Variants in DOCK2 observed in about 807,000 individuals in gnomAD.
DOCK2 encodes dedicator of cytokinesis protein 2.
In DOCK2, 87 loss-of-function variants were observed where a neutral mutation model predicts 248.9. The ratio of observed to expected loss-of-function variants is 0.35; its 90% CI spans 0.29 to 0.42. DOCK2 has a LOEUF of 0.42. Among genes scored for constraint, DOCK2 ranks in the 10% least tolerant of loss-of-function variants. DOCK2 has a pLI of 1.00. For missense variants in DOCK2, 1,747 were observed against 2,300.2 expected (o/e 0.76, Z 4.92); for synonymous variants, 805 against 821.6 (o/e 0.98, Z 0.35).
chr5:170,077,417 A>T (rs1165364873), intron 47 of DOCK2, among the ~76,000 whole-genome samples: 1 of 152,212 alleles, frequency 6.6e-6, no homozygotes, highest in Non-Finnish European at 1.5e-5. Flanking sequence ...CCATCTTATT[A>T]GCATAAAATC....
At chr5:169,791,945 G>C (rs986298629) in intron 25 of DOCK2, among the ~76,000 whole-genome samples, 2 of 152,154 alleles carry the variant, frequency 1.3e-5, no homozygotes, top group African/African-American at 4.8e-5. Flanking sequence ...GACCCTGGCT[G>C]CTGAGAAGAC....
At chr5:169,640,084 A>G (rs1757068519) in intron 1 of DOCK2, among the ~76,000 whole-genome samples, 1 of 152,336 alleles carries the variant, frequency 6.6e-6, no homozygotes, top group South Asian at 2.1e-4. Flanking sequence ...AACACCGGTC[A>G]TATTGGATTA....
intron 27 of DOCK2, among the ~76,000 whole-genome samples, chr5:169,912,147 C>G: frequency 6.6e-6 from 1 of 152,130 alleles, no homozygotes; most frequent in East Asian, 1.9e-4. Flanking sequence ...AAAAGGAAAG[C>G]GACTATTATT....
At position 169,655,086 on chromosome 5, in the gene DOCK2, G is replaced by C. The variant is rs182445108; in HGVS notation, c.127+600G>C. ...TGCTTTTTAAAATTTGCACAAAGAT[G>C]AATGGCCTTGGACTCATAAGTCAGG... On this transcript the variant is annotated intron_variant, in intron 2 of 51. Coordinates refer to ENST00000520908, the MANE Select transcript of DOCK2 (RefSeq NM_004946.3). 7.3e-4 allele frequency among the ~76,000 whole-genome samples: 111 copies of C among 152,356 alleles called. 1 individual carries two copies. The highest frequency in any genetic ancestry group is 2.6e-3 in the African/African-American group (108 of 41,584).
chr5:169,708,215 G>A lies in DOCK2; in HGVS notation c.1430G>A (p.Arg477His), dbSNP rs778909898. 3.2e-5 allele frequency: 52 copies of A among 1,613,822 alleles called. No individual in the cohort carries two copies. Among genetic ancestry groups the A allele is most frequent in the African/African-American group, 5.3e-5 (4 of 74,922 alleles). The change falls in exon 15 of 52, where the codon CGC (arginine) becomes CAC (histidine). Residue 477 changes from arginine (R) to histidine (H), a missense_variant. Arg to His is a conservative substitution (Grantham distance 29, BLOSUM62 0). Transcript: ENST00000520908. ...GAGDKPMNEY[R>H]SVVYYQVKQP... The stretch of plus-strand genomic sequence containing the variant: ...GGGGACAAGCCCATGAATGAGTATC[G>A]CTCCGTTGTGTACTATCAAGTCAAA...
chr5:170,080,416 C>T, intron 50 of DOCK2, 133 bp downstream of exon 50: 1 of 1,352,334 alleles, frequency 7.4e-7, no homozygotes, highest in Non-Finnish European at 1.0e-6. Context: ...AGGCTCTGCT[C>T]ATAGCCACCC....
At chr5:169,668,599 C>A (rs1758859670) in intron 2 of DOCK2, among the ~76,000 whole-genome samples, 1 of 152,160 alleles carries the variant, frequency 6.6e-6, no homozygotes, top group South Asian at 2.1e-4. Flanking sequence ...CAAAGGCCAG[C>A]CGACTCATTA....
Position 169,637,368 on chromosome 5 carries a change from G to A in DOCK2, c.42G>A (p.Val14=). Residue 14 remains valine, a splice_region_variant and synonymous_variant, in exon 1 of 52, where the codon GTG becomes GTA. Transcript: ENST00000520908. ...WRKADKERHG[V]AIYNFQGSGA... ...AAGCTGACAAGGAGCGGCACGGCGT[G>A]GGTAGGTGCGGGCCCCAGGGCGCGG... 7.0e-7 allele frequency: 1 copy of A among 1,422,596 alleles called. No individual in the cohort carries two copies. The highest frequency in any genetic ancestry group is 9.2e-7 in the Non-Finnish European group (1 of 1,088,506). The allele number at this position is 1,422,596 out of a possible 1,614,324, so 88.1% of individuals were successfully genotyped here. A position where few individuals can be genotyped will look rare whatever the true frequency, so the allele number is the denominator to read the frequency against.
chr5:170,074,504 T>G (rs1757778639), intron 46 of DOCK2, among the ~76,000 whole-genome samples: 2 of 152,200 alleles, frequency 1.3e-5, no homozygotes, highest in Non-Finnish European at 2.9e-5. Context: ...GACGTCTCTC[T>G]CTACATGGGA....
intron 26 of DOCK2, among the ~76,000 whole-genome samples, chr5:169,821,587 G>C (rs1327050290): frequency 6.6e-6 from 1 of 152,086 alleles, no homozygotes; most frequent in African/African-American, 2.4e-5. Flanking sequence ...TTTTGTCACT[G>C]CCAGGCCTGC....
At position 170,050,314 on chromosome 5, in the gene DOCK2, A is replaced by G. The variant is rs1202361083; in HGVS notation, c.4130A>G (p.Gln1377Arg). The G allele has an allele frequency of 1.9e-6, 3 of 1,614,106 alleles. No homozygotes were observed. The highest frequency in any genetic ancestry group is 2.7e-5 in the African/African-American group (2 of 74,944). Reference protein sequence around the residue: ...EYERREDFQMQLMTQFPNAEK... With the variant: ...EYERREDFQMRLMTQFPNAEK... Reference sequence around the variant, plus strand: ...GAGCGAAGAGAAGATTTCCAGATGCAGCTGATGACCCAGTTCCCCAATGCA... The same window carrying G: ...GAGCGAAGAGAAGATTTCCAGATGCGGCTGATGACCCAGTTCCCCAATGCA... Residue 1377 changes from glutamine to arginine, a missense_variant, in exon 41 of 52, where the codon CAG becomes CGG. Around this residue, in one of 4 missense-constraint regions of DOCK2, gnomAD observed 513 missense variants for 586.1 expected, o/e 0.88. Coordinates refer to ENST00000520908, the MANE Select transcript of DOCK2 (RefSeq NM_004946.3).
chr5:169,875,222 C>T (rs1166619422), intron 27 of DOCK2: 2 of 456,454 alleles, frequency 4.4e-6, no homozygotes, highest in African/African-American at 4.0e-5. Flanking sequence ...CCAACCATTC[C>T]CAGGGAGCTT....
At chr5:169,853,453 A>G (rs978670134) in intron 27 of DOCK2, among the ~76,000 whole-genome samples, 1 of 152,216 alleles carries the variant, frequency 6.6e-6, no homozygotes, top group South Asian at 2.1e-4. Flanking sequence ...ATTTTTCCAG[A>G]TTTATGTTAC....
intron 44 of DOCK2, among the ~76,000 whole-genome samples, chr5:170,067,277 C>T (rs1757525636): frequency 1.4e-5 from 2 of 145,908 alleles, no homozygotes; most frequent in South Asian, 4.3e-4. Flanking sequence ...CCTGACACTT[C>T]CTGCTTCTGC....
At position 170,034,597 on chromosome 5, in the gene DOCK2, G is replaced by C. The variant is rs377140093; in HGVS notation, c.3624+42G>C. On this transcript the variant is annotated intron_variant, in intron 35 of 51. Transcript: ENST00000520908. ...GGTCCAAGTCAGACCAGAACCCTGTGGGGGGGCTTGGGCTTGGCTTTGGGT... is the reference window on the plus strand; with the variant it reads ...GGTCCAAGTCAGACCAGAACCCTGTCGGGGGGCTTGGGCTTGGCTTTGGGT... The C allele has an allele frequency of 8.2e-5, 132 of 1,606,980 alleles. 1 individual carries two copies. Among genetic ancestry groups the C allele is most frequent in the South Asian group, 2.5e-4 (23 of 90,584 alleles).
At chr5:169,878,967 G>A (rs1467175964) in intron 27 of DOCK2, among the ~76,000 whole-genome samples, 5 of 152,204 alleles carry the variant, frequency 3.3e-5, no homozygotes, top group African/African-American at 1.2e-4. Flanking sequence ...GAGATAGGAT[G>A]TATCCAAGTG....
chr5:169,643,451 G>T (rs774478766), intron 1 of DOCK2, among the ~76,000 whole-genome samples: 1 of 152,178 alleles, frequency 6.6e-6, no homozygotes, highest in Non-Finnish European at 1.5e-5. Flanking sequence ...GGATGAAGCT[G>T]TTCCACTTCA....
intron 22 of DOCK2, among the ~76,000 whole-genome samples, chr5:169,743,952 T>C (rs1440065483): frequency 2.7e-5 from 4 of 150,282 alleles, no homozygotes; most frequent in East Asian, 1.9e-4. Context: ...TATGTACTTT[T>C]CCCCCATTTT....
chr5:170,072,767 G>A (rs1757722758), intron 46 of DOCK2, among the ~76,000 whole-genome samples: 1 of 152,148 alleles, frequency 6.6e-6, no homozygotes, highest in Non-Finnish European at 1.5e-5. Flanking sequence ...TCCTTCATGA[G>A]CAATGATGTT....
Sources: gnomAD v4.1 joint callset for allele counts (sites outside exome capture counted in the v4.1 genomes callset) on GRCh38, gnomAD v4.1.1 for gene constraint, gnomAD v4.1.1 regional missense constraint, MANE v1.5 for transcripts, NCBI Gene and HGNC (gene_info 2026-07-23, HGNC 2026-07-21) for gene names.